Variants in TPCN2 observed in about 807,000 individuals in gnomAD.
TPCN2 encodes two pore segment channel 2, also known as two pore channel protein 2.
TPCN2 carries 92 observed loss-of-function variants against 111.4 expected under a neutral mutation model. The ratio of observed to expected loss-of-function variants is 0.83; its 90% confidence interval spans 0.70 to 0.98. TPCN2 has a LOEUF of 0.98. Ranked by LOEUF, TPCN2 falls within the 50% of genes least tolerant of loss-of-function variation. The probability of loss-of-function intolerance (pLI) is 0.00; values close to 1 mark genes in which losing one functional copy is unlikely to be tolerated. For synonymous variants in TPCN2, 405 were observed against 414.5 expected (o/e 0.98, Z 0.28); for missense variants, 995 against 980.1 (o/e 1.02, Z -0.20).
At chr11:69,050,290 C>A (rs949884580) in intron 1 of TPCN2, among the ~76,000 whole-genome samples, 5 of 152,184 alleles carry the variant, frequency 3.3e-5, no homozygotes, top group African/African-American at 1.2e-4. Context: ...CATATGGCAC[C>A]GTTCAGGGAA....
At chr11:69,058,862 C>G (rs140014701) in intron 5 of TPCN2, among the ~76,000 whole-genome samples, 2,050 of 152,374 alleles carry the variant, frequency 0.013, 14 homozygotes, top group Middle Eastern at 0.031. Flanking sequence ...TTCTGAGTTA[C>G]GGTTGTGGCA....
chr11:69,055,752 G>A (rs1854733543), intron 4 of TPCN2, among the ~76,000 whole-genome samples: 2 of 152,206 alleles, frequency 1.3e-5, no homozygotes, highest in African/African-American at 4.8e-5. Context: ...ACTGAGCCCA[G>A]TGGGCCGTCA....
At chr11:69,064,883 T>TTATC (rs547587197) in intron 7 of TPCN2, among the ~76,000 whole-genome samples, 5 of 151,458 alleles carry the variant, frequency 3.3e-5, no homozygotes, top group African/African-American at 1.2e-4. Context: ...GTGTGCGTGT[T>TTATC]TGTATGTGTG....
intron 13 of TPCN2, among the ~76,000 whole-genome samples, chr11:69,077,004 G>A (rs1408104691): frequency 9.0e-4 from 53 of 58,630 alleles, no homozygotes; most frequent in Non-Finnish European, 1.4e-3. Flanking sequence ...CTCCTGCCAC[G>A]TCCCTCCACC....
At chr11:69,079,186 A>G in intron 16 of TPCN2, 166 bp downstream of exon 16, 1 of 872,840 alleles carries the variant, frequency 1.1e-6, no homozygotes, top group Non-Finnish European at 1.7e-6. Flanking sequence ...CGAGTTGCTC[A>G]GTGGGCAGCC....
At chr11:69,052,981 G>A (rs1439487079) in intron 1 of TPCN2, among the ~76,000 whole-genome samples, 1 of 152,254 alleles carries the variant, frequency 6.6e-6, no homozygotes, top group Non-Finnish European at 1.5e-5. Flanking sequence ...TGGCCTGCTG[G>A]GGAGCAGCTC....
At chr11:69,086,396 G>T in intron 22 of TPCN2, 127 bp from the exon 23 acceptor site, 1 of 780,424 alleles carries the variant, frequency 1.3e-6, no homozygotes, top group Non-Finnish European at 2.3e-6. Context: ...ATAGTAACGC[G>T]CTCTGCATCA....
intron 19 of TPCN2, among the ~76,000 whole-genome samples, chr11:69,084,386 C>T (rs766673940): frequency 6.6e-6 from 1 of 152,220 alleles, no homozygotes; most frequent in Non-Finnish European, 1.5e-5. Context: ...CCAAAGCCTG[C>T]ACAAGCCCTG....
At chr11:69,070,326 A>G (rs61881024) in intron 8 of TPCN2, 104 bp from the exon 9 acceptor site, 281,919 of 920,744 alleles carry the variant, frequency 0.31, 45,397 homozygotes, top group South Asian at 0.45. Flanking sequence ...ACGCTCAGCA[A>G]TGGAGACCTC....
At chr11:69,086,738 G>T in intron 23 of TPCN2, 134 bp downstream of exon 23, 1 of 827,628 alleles carries the variant, frequency 1.2e-6, no homozygotes, top group East Asian at 2.6e-5. Flanking sequence ...CGGGTCCTGA[G>T]TGAGGCTGAG....
chr11:69,077,730 T>C (rs951290386), intron 13 of TPCN2, among the ~76,000 whole-genome samples: 1 of 152,216 alleles, frequency 6.6e-6, no homozygotes, highest in East Asian at 1.9e-4. Context: ...AGCCATGTCT[T>C]CTTACCCTCT....
chr11:69,071,120 TTCACCCCAGGGATCCCCCACC>T (rs1855515852), intron 9 of TPCN2, among the ~76,000 whole-genome samples: 1 of 137,094 alleles, frequency 7.3e-6, no homozygotes, highest in Non-Finnish European at 1.6e-5. Flanking sequence ...CACCAACAGC[TTCACCCCAGGGATCCCCCACC>T]AACAGCTTCA....
At chr11:69,056,243 GGCCTCTGCCC>G (rs1397003544) in intron 4 of TPCN2, among the ~76,000 whole-genome samples, 1 of 152,238 alleles carries the variant, frequency 6.6e-6, no homozygotes, top group African/African-American at 2.4e-5. Context: ...GGTCGCGTGG[GGCCTCTGCCC>G]GGCACTGCCC....
Position 69,079,582 on chromosome 11 carries a change from C to T in TPCN2, c.1540-252C>T, listed in dbSNP as rs937444923. ...AGGGCCCTGCAGTCTGTCCTTGACT[C>T]AGTATCTTCTCTGCCACCTCTGCCA... is the stretch of plus-strand genomic sequence containing the variant. On this transcript the variant is annotated intron_variant, in intron 16 of 24. Transcript: ENST00000294309. 1.0e-4 allele frequency: 51 copies of T among 491,758 alleles called. No homozygotes were observed. In the East Asian group the frequency reaches 1.6e-3, roughly 16 times the overall value. The allele number at this position is 491,758 out of a possible 1,614,324, so 30.5% of individuals were successfully genotyped here.
intron 5 of TPCN2, among the ~76,000 whole-genome samples, chr11:69,057,938 G>A (rs1854847184): frequency 1.3e-5 from 2 of 152,210 alleles, no homozygotes; most frequent in South Asian, 4.1e-4. Context: ...TGTTTTTGAG[G>A]GCGGACCTGG....
chr11:69,075,636 A>G (rs1855719265), intron 13 of TPCN2, among the ~76,000 whole-genome samples: 1 of 152,184 alleles, frequency 6.6e-6, no homozygotes, highest in Non-Finnish European at 1.5e-5. Flanking sequence ...TGGAAGCACA[A>G]AGAGGTCCTT....
Position 69,062,896 on chromosome 11 carries a change from C to A in TPCN2, c.559C>A (p.Arg187Ser). 1 of 1,613,930 alleles carries A rather than the reference C, an allele frequency of 6.2e-7. No individual in the cohort carries two copies. The highest frequency in any genetic ancestry group is 8.5e-7 in the Non-Finnish European group (1 of 1,179,880). ...SLVCHEPLRI[R>S]RLLRPFFLLQ... ...GGGTCTCTTCCAGCCCCTGCGGATC[C>A]GCCGGCTTCTCCGTCCCTTCTTCCT... The change falls in exon 6 of 25, where the codon CGC (arginine) becomes AGC (serine). Residue 187 changes from arginine (R) to serine (S), a missense_variant. Transcript: ENST00000294309.
chr11:69,075,022 C>T (rs905086985), intron 13 of TPCN2, among the ~76,000 whole-genome samples: 6 of 152,188 alleles, frequency 3.9e-5, no homozygotes, highest in Admixed American at 1.3e-4. Flanking sequence ...TTGCTTTGGC[C>T]GTGACCCAGT....
At chr11:69,055,127 C>G (rs772129471) in intron 3 of TPCN2, 48 bp from the exon 4 acceptor site, 3 of 1,593,720 alleles carry the variant, frequency 1.9e-6, no homozygotes, top group East Asian at 2.2e-5. Context: ...CCTCTGGGCC[C>G]TGAGGGCTGC....
Sources: gnomAD v4.1 joint callset for allele counts (sites outside exome capture counted in the v4.1 genomes callset) on GRCh38, gnomAD v4.1.1 for gene constraint, MANE v1.5 for transcripts, NCBI Gene and HGNC (gene_info 2026-07-23, HGNC 2026-07-21) for gene names.